Variants in LARP4B observed in about 807,000 individuals in gnomAD.
The protein encoded by LARP4B is la-related protein 4B.
Under a neutral mutation model 89.8 loss-of-function variants are expected in LARP4B, and 12 were observed. That is an observed-to-expected ratio of 0.13 (90% CI 0.09 to 0.22). The LOEUF (loss-of-function observed/expected upper bound fraction) is 0.22, where lower values mean the gene tolerates loss of function less well. Ranked by LOEUF, LARP4B falls within the 10% of genes least tolerant of loss-of-function variation. LARP4B has a pLI of 1.00. For synonymous variants in LARP4B, 367 were observed against 363.3 expected (o/e 1.01, Z -0.12); for missense variants, 757 against 947.7 (o/e 0.80, Z 2.64).
intron 3 of LARP4B, chr10:873,151 G>A: frequency 8.1e-6 from 8 of 985,400 alleles, no homozygotes; most frequent in Non-Finnish European, 8.4e-6. Flanking sequence ...CCATGTTTGA[G>A]AGCTCACAAG....
intron 3 of LARP4B, among the ~76,000 whole-genome samples, chr10:868,378 T>TAAAAAAAA (rs35215345): frequency 8.1e-6 from 1 of 123,462 alleles, no homozygotes; most frequent in Non-Finnish European, 1.7e-5. Context: ...AAGATTTGCT[T>TAAAAAAAA]AAAAAAAAAA....
At chr10:860,066 T>C (rs528195607) in intron 5 of LARP4B, among the ~76,000 whole-genome samples, 2 of 119,738 alleles carry the variant, frequency 1.7e-5, no homozygotes, top group South Asian at 5.4e-4. Context: ...TCATCAATTA[T>C]ACAAAGGCAC....
intron 17 of LARP4B, 50 bp from the exon 18 acceptor site, chr10:813,263 A>T: frequency 6.7e-7 from 1 of 1,499,762 alleles, no homozygotes. Context: ...GTCTCTAGGG[A>T]CAAGACAGGA....
chr10:952,481 C>G, the LARP4B span, among the ~76,000 whole-genome samples: 6 of 135,144 alleles, frequency 4.4e-5, no homozygotes, highest in Non-Finnish European at 7.9e-5. Context: ...AGAAATCGCA[C>G]CAGCCCACAA....
At chr10:915,820 G>A (rs1161144277) in intron 1 of LARP4B, among the ~76,000 whole-genome samples, 18 of 138,592 alleles carry the variant, frequency 1.3e-4, no homozygotes, top group Admixed American at 2.3e-4. Flanking sequence ...GAGACAGAGC[G>A]AGACTCCGCC....
the LARP4B span, among the ~76,000 whole-genome samples, chr10:941,032 C>T: frequency 2.0e-5 from 3 of 152,050 alleles, no homozygotes; most frequent in African/African-American, 4.8e-5. Context: ...GTTTTGTGGA[C>T]GAGGAGGTCA....
chr10:878,084 G>C (rs1381929909), intron 3 of LARP4B, among the ~76,000 whole-genome samples: 1 of 152,190 alleles, frequency 6.6e-6, no homozygotes, highest in Non-Finnish European at 1.5e-5. Flanking sequence ...GAGCCCTGCG[G>C]TAAGGTGATG....
the LARP4B span, among the ~76,000 whole-genome samples, chr10:979,706 T>C: frequency 5.3e-5 from 8 of 152,332 alleles, no homozygotes; most frequent in African/African-American, 1.9e-4. Flanking sequence ...ATGCGGTGGC[T>C]GATGCCTGTA....
intron 3 of LARP4B, among the ~76,000 whole-genome samples, chr10:879,761 T>C (rs1398885606): frequency 1.3e-5 from 2 of 150,200 alleles, no homozygotes; most frequent in Non-Finnish European, 3.0e-5. Flanking sequence ...AGCCACTACA[T>C]CCGGCCAAGT....
intron 1 of LARP4B, among the ~76,000 whole-genome samples, chr10:888,057 C>T (rs566412043): frequency 4.0e-5 from 6 of 151,650 alleles, no homozygotes; most frequent in Admixed American, 2.6e-4. Context: ...CAGTGGCTCA[C>T]GCCTGTAATA....
chr10:839,898 A>G (rs532205041), intron 7 of LARP4B, among the ~76,000 whole-genome samples: 67 of 152,238 alleles, frequency 4.4e-4, no homozygotes, highest in Admixed American at 8.5e-4. Flanking sequence ...CTAAATGTCT[A>G]TAACTGCTAG....
At chr10:824,621 C>T (rs1336690003) in intron 13 of LARP4B, among the ~76,000 whole-genome samples, 2 of 152,234 alleles carry the variant, frequency 1.3e-5, no homozygotes, top group Non-Finnish European at 1.5e-5. Flanking sequence ...AGTCTCAACC[C>T]TCCAATGAGA....
intron 3 of LARP4B, among the ~76,000 whole-genome samples, chr10:869,025 A>C (rs1233344680): frequency 1.3e-5 from 2 of 152,308 alleles, no homozygotes; most frequent in Non-Finnish European, 2.9e-5. Flanking sequence ...TTTATTACAG[A>C]ATTTCTGGAA....
the LARP4B span, among the ~76,000 whole-genome samples, chr10:950,880 G>GA: frequency 7.0e-6 from 1 of 141,884 alleles, no homozygotes; most frequent in Non-Finnish European, 1.5e-5. Flanking sequence ...TTGTAGGAGG[G>GA]TTTTTTTTTT....
the LARP4B span, among the ~76,000 whole-genome samples, chr10:976,568 C>T: frequency 7.0e-6 from 1 of 143,394 alleles, no homozygotes; most frequent in Non-Finnish European, 1.5e-5. Context: ...AATGTGTGGC[C>T]GGCCTAGTAG....
chr10:904,655 A>G (rs148786827), intron 1 of LARP4B, among the ~76,000 whole-genome samples: 26 of 152,370 alleles, frequency 1.7e-4, no homozygotes, highest in African/African-American at 6.0e-4. Flanking sequence ...CCTTTTAATC[A>G]CAACACAGCA....
chr10:814,606 A>G lies in LARP4B; in HGVS notation c.1929+136T>C, dbSNP rs1015229336. The G allele has an allele frequency of 2.6e-6, 4 of 1,540,550 alleles. No homozygotes were observed. The highest frequency in any genetic ancestry group is 1.7e-4 in the Middle Eastern group (1 of 5,994). On this transcript the variant is annotated intron_variant, in intron 17 of 17. Coordinates refer to ENST00000316157, the MANE Select transcript of LARP4B (RefSeq NM_015155.3). The surrounding 1 kb of genome is among the most constrained non-coding windows in gnomAD (Gnocchi z 4.4). ...ATTAAAGGTATTTTGTACAGAAAAC[A>G]CAACACAGACAGACGCAAATAAAAA...
intron 1 of LARP4B, among the ~76,000 whole-genome samples, chr10:926,140 G>C (rs540548027): frequency 2.0e-5 from 3 of 152,106 alleles, no homozygotes; most frequent in African/African-American, 7.2e-5. Context: ...AACATCTACA[G>C]TTTACCAGTC....
intron 3 of LARP4B, among the ~76,000 whole-genome samples, chr10:867,862 GAAAA>G (rs903762145): frequency 6.9e-5 from 3 of 43,356 alleles, no homozygotes; most frequent in Non-Finnish European, 1.3e-4. Context: ...CTCCATCCTT[GAAAA>G]AAAAAAAAAA....
Sources: gnomAD v4.1 joint callset for allele counts (sites outside exome capture counted in the v4.1 genomes callset) on GRCh38, gnomAD v4.1.1 for gene constraint, Gnocchi (gnomAD v3.1) non-coding constraint, MANE v1.5 for transcripts, NCBI Gene and HGNC (gene_info 2026-07-23, HGNC 2026-07-21) for gene names.